The following POU2F2 variants were observed in gnomAD, a reference collection of about 807,000 sequenced individuals.
The protein encoded by POU2F2 is POU domain, class 2, transcription factor 2.
Under a neutral mutation model 63.5 loss-of-function variants are expected in POU2F2, and 14 were observed. That is an observed-to-expected ratio of 0.22 (90% CI 0.15 to 0.34). The LOEUF is 0.34. Among genes scored for constraint, POU2F2 ranks in the 10% least tolerant of loss-of-function variants. POU2F2 has a pLI of 1.00. For missense variants in POU2F2, 607 were observed against 815.2 expected (o/e 0.74, Z 3.11); for synonymous variants, 306 against 348.6 (o/e 0.88, Z 1.36).
Position 42,153,570 on chromosome 19 carries a change from C to T in POU2F2, c.-9+6762G>A, listed in dbSNP as rs1410614827. ...CTGTGCCTGTGCCTGTGGGCAGCTG[C>T]GTGTGCTTCAGGGATCTGCGCGGTG... On this transcript the variant is annotated intron_variant, in intron 2 of 6. Coordinates refer to the POU2F2 transcript ENST00000524801. This position sits in a 1 kb window ranked among gnomAD's most constrained non-coding sequence, Gnocchi z 5.6. Among the ~76,000 whole-genome samples the T allele has an allele frequency of 6.6e-6, 1 of 151,518 alleles. No homozygotes were observed. Among genetic ancestry groups the T allele is most frequent in the East Asian group, 2.0e-4 (1 of 5,120 alleles).
upstream of POU2F2, among the ~76,000 whole-genome samples, chr19:42,179,778 G>A (rs2034940025): frequency 6.6e-6 from 1 of 152,100 alleles, no homozygotes; most frequent in South Asian, 2.1e-4. Flanking sequence ...CCTACCCCGT[G>A]GGCGTACAAA....
chr19:42,158,931 A>T (rs184582091), intron 2 of POU2F2, among the ~76,000 whole-genome samples: 1 of 152,304 alleles, frequency 6.6e-6, no homozygotes, highest in East Asian at 1.9e-4. Context: ...TCCCTGGAGA[A>T]AGCACTCTAG....
At chr19:42,116,841 G>C in intron 5 of POU2F2, 1 of 277,892 alleles carries the variant, frequency 3.6e-6, no homozygotes, top group Non-Finnish European at 7.4e-6. Flanking sequence ...AGGAGGCAGA[G>C]GAGGAGGAGG....
At chr19:42,118,247 A>G (rs1322878463) in intron 4 of POU2F2, among the ~76,000 whole-genome samples, 12 of 152,202 alleles carry the variant, frequency 7.9e-5, no homozygotes, top group East Asian at 3.8e-4. Flanking sequence ...TATTTGTCCA[A>G]TGAAGTAAGA....
chr19:42,173,755 C>T (rs1392256050), intron 1 of POU2F2, among the ~76,000 whole-genome samples: 2 of 152,100 alleles, frequency 1.3e-5, no homozygotes, highest in Admixed American at 6.5e-5. Context: ...CAACCAAGAC[C>T]CCCAAAGATG....
At chr19:42,175,490 GA>G (rs2034856648) in intron 1 of POU2F2, among the ~76,000 whole-genome samples, 1 of 151,408 alleles carries the variant, frequency 6.6e-6, no homozygotes, top group Non-Finnish European at 1.5e-5. Flanking sequence ...AGGGGGAAGG[GA>G]AAAACGGAGA....
intron 5 of POU2F2, chr19:42,110,671 GC>G (rs1417849773): frequency 2.2e-6 from 1 of 453,786 alleles, no homozygotes; most frequent in Non-Finnish European, 4.4e-6. Flanking sequence ...AATCCTGACT[GC>G]CCCTCACACA....
At chr19:42,125,386 T>A in intron 1 of POU2F2, among the ~76,000 whole-genome samples, 1 of 72,044 alleles carries the variant, frequency 1.4e-5, no homozygotes. Context: ...AGATGTAGAC[T>A]GTTGAGGGTG....
chr19:42,101,089 G>A (rs984224903), intron 5 of POU2F2, among the ~76,000 whole-genome samples: 3 of 152,176 alleles, frequency 2.0e-5, no homozygotes, highest in Non-Finnish European at 2.9e-5. Flanking sequence ...CTGGGTGACA[G>A]AGCAAGACTC....
intron 2 of POU2F2, among the ~76,000 whole-genome samples, chr19:42,159,517 G>A (rs2034515624): frequency 6.6e-6 from 1 of 152,130 alleles, no homozygotes; most frequent in African/African-American, 2.4e-5. Context: ...GCAGTAGAGG[G>A]CTGTCCCACC....
chr19:42,105,986 T>G (rs141372725), intron 5 of POU2F2, among the ~76,000 whole-genome samples: 2 of 151,922 alleles, frequency 1.3e-5, no homozygotes, highest in Admixed American at 1.3e-4. Context: ...ATATGATATA[T>G]AGGATCTTTC....
intron 5 of POU2F2, among the ~76,000 whole-genome samples, chr19:42,112,432 C>A (rs1479379080): frequency 6.6e-6 from 1 of 152,138 alleles, no homozygotes; most frequent in African/African-American, 2.4e-5. Flanking sequence ...TGCAGTGGCA[C>A]GATCTTGGCT....
chr19:42,091,916 G>C lies in POU2F2; in HGVS notation c.1491C>G (p.Ser497=), dbSNP rs749676363. ...STGSTMVGLS[S]GLSPALMSNN... ...TGCTCATGAGGGCTGGACTCAGCCC[G>C]GAGCTCAACCCCACCATTGTGCTTC... The change falls in exon 14 of 15, where the codon TCC becomes TCG. Residue 497 remains serine, a synonymous_variant. Coordinates refer to ENST00000692977, the MANE Select transcript of POU2F2 (RefSeq NM_001394376.1). 1.9e-5 allele frequency: 29 copies of C among 1,540,836 alleles called. No homozygotes were observed. Among genetic ancestry groups the C allele is most frequent in the Non-Finnish European group, 2.4e-5 (28 of 1,146,526 alleles).
upstream of POU2F2, among the ~76,000 whole-genome samples, chr19:42,134,334 A>G (rs78776171): frequency 0.093 from 14,200 of 152,154 alleles, 903 homozygotes; most frequent in Middle Eastern, 0.2. Context: ...GAGCCAGCAG[A>G]GAAGGACCAC....
At chr19:42,105,990 ATCTTTCTTTTTTCTTTCTT>A (rs897328180) in intron 5 of POU2F2, among the ~76,000 whole-genome samples, 2 of 135,612 alleles carry the variant, frequency 1.5e-5, no homozygotes, top group Non-Finnish European at 3.3e-5. Flanking sequence ...GATATATAGG[ATCTTTCTTTTTTCTTTCTT>A]TCTTTCTTTC....
At chr19:42,184,094 C>T (rs1023239959) in intron 1 of POU2F2, among the ~76,000 whole-genome samples, 1 of 151,266 alleles carries the variant, frequency 6.6e-6, no homozygotes, top group Non-Finnish European at 1.5e-5. Context: ...GCCACCTCGA[C>T]CTTCTCCTGC....
intron 2 of POU2F2, among the ~76,000 whole-genome samples, chr19:42,138,138 G>A (rs191580233): frequency 3.5e-4 from 53 of 152,316 alleles, no homozygotes; most frequent in Non-Finnish European, 5.6e-4. Flanking sequence ...TTTGGAGGCC[G>A]CAGTGAAGAA....
intron 1 of POU2F2, among the ~76,000 whole-genome samples, chr19:42,188,801 GAA>G (rs2035043284): frequency 6.9e-6 from 1 of 145,688 alleles, no homozygotes; most frequent in Admixed American, 6.9e-5. Flanking sequence ...GAGAGGGAAA[GAA>G]AGAGAAAGAA....
At chr19:42,172,574 T>C (rs955505589) in intron 1 of POU2F2, among the ~76,000 whole-genome samples, 3 of 151,948 alleles carry the variant, frequency 2.0e-5, no homozygotes, top group East Asian at 1.9e-4. Flanking sequence ...TGAGGGAAAA[T>C]GCACCTGCCT....
Sources: gnomAD v4.1 joint callset for allele counts (sites outside exome capture counted in the v4.1 genomes callset) on GRCh38, gnomAD v4.1.1 for gene constraint, Gnocchi (gnomAD v3.1) non-coding constraint, MANE v1.5 for transcripts, NCBI Gene and HGNC (gene_info 2026-07-23, HGNC 2026-07-21) for gene names.